Variants in PDE2A observed in about 807,000 individuals in gnomAD.
PDE2A encodes phosphodiesterase 2A.
In PDE2A, 53 loss-of-function variants were observed where a neutral mutation model predicts 133.6. The observed-to-expected ratio is 0.40, with a 90% CI of 0.32 to 0.50. The LOEUF (loss-of-function observed/expected upper bound fraction) is 0.50, where lower values mean the gene tolerates loss of function less well. Among genes scored for constraint, PDE2A ranks in the 20% least tolerant of loss-of-function variants. The probability of loss-of-function intolerance (pLI) is 0.73; values close to 1 mark genes in which losing one functional copy is unlikely to be tolerated. For synonymous variants in PDE2A, 491 were observed against 490.2 expected (o/e 1.00, Z -0.02); for missense variants, 796 against 1,232.4 (o/e 0.65, Z 5.30).
At chr11:72,672,563 T>C (rs1855408866) in intron 1 of PDE2A, among the ~76,000 whole-genome samples, 1 of 152,160 alleles carries the variant, frequency 6.6e-6, no homozygotes. Context: ...CAGGGCTCTC[T>C]GGATAAAGCC....
chr11:72,653,302 A>C (rs74822502), intron 1 of PDE2A, among the ~76,000 whole-genome samples: 3,108 of 152,314 alleles, frequency 0.02, 83 homozygotes, highest in African/African-American at 0.071. Flanking sequence ...AGCAGAGAGA[A>C]GCATATAGAG....
rs1855741303 is a variant in PDE2A at position 72,581,932 on chromosome 11, G to T, written c.1867C>A (p.Leu623Met). 6.2e-7 allele frequency: 1 copy of T among 1,614,010 alleles called. No homozygotes were observed. Among genetic ancestry groups the T allele is most frequent in the Non-Finnish European group, 8.5e-7 (1 of 1,180,004 alleles). The part of the protein sequence containing the change: ...DDTSMAILSM[L>M]QDMNFINNYK... ...TTGTTGATGAAATTCATGTCCTGCA[G>T]CATGCTCAGGATGGCCTGGAGAGGG... The change falls in exon 22 of 31, where the codon CTG becomes ATG. Residue 623 changes from leucine to methionine, a missense_variant. Leu to Met is a conservative substitution (Grantham distance 15, BLOSUM62 2). Transcript: ENST00000334456.
intron 2 of PDE2A, chr11:72,635,917 A>G (rs543799601): frequency 1.8e-6 from 2 of 1,098,122 alleles, no homozygotes; most frequent in South Asian, 3.9e-5. Flanking sequence ...GGCCCTCTCC[A>G]TTCTTTCGGC....
intron 2 of PDE2A, among the ~76,000 whole-genome samples, chr11:72,640,364 T>C (rs2135434320): frequency 6.6e-6 from 1 of 151,908 alleles, no homozygotes; most frequent in East Asian, 1.9e-4. Flanking sequence ...GCTGGCCCAC[T>C]GCCTCCTCCC....
intron 2 of PDE2A, among the ~76,000 whole-genome samples, chr11:72,637,190 A>G (rs1480017020): frequency 6.6e-6 from 1 of 152,202 alleles, no homozygotes; most frequent in Admixed American, 6.5e-5. Flanking sequence ...TCTGGGCTGA[A>G]ATAGGGGTCC....
At chr11:72,670,664 C>T (rs1321966659) in intron 1 of PDE2A, among the ~76,000 whole-genome samples, 5 of 152,166 alleles carry the variant, frequency 3.3e-5, no homozygotes, top group African/African-American at 4.8e-5. Context: ...ATAAAGGCTG[C>T]GCATTTCTCC....
At chr11:72,652,926 T>A (rs1477872638) in intron 1 of PDE2A, among the ~76,000 whole-genome samples, 1 of 152,168 alleles carries the variant, frequency 6.6e-6, no homozygotes, top group African/African-American at 2.4e-5. Context: ...AGTCCCCTCC[T>A]CTCTTGCCTC....
At chr11:72,650,553 G>T (rs1854708886) in intron 1 of PDE2A, among the ~76,000 whole-genome samples, 1 of 151,968 alleles carries the variant, frequency 6.6e-6, no homozygotes, top group African/African-American at 2.4e-5. Flanking sequence ...CGCAGATAAA[G>T]GTCCCAATCC....
intron 2 of PDE2A, among the ~76,000 whole-genome samples, chr11:72,611,235 C>T (rs1050403925): frequency 1.3e-5 from 2 of 152,180 alleles, no homozygotes; most frequent in African/African-American, 4.8e-5. Flanking sequence ...AGCTAAGTCT[C>T]CCCATTTGAC....
intron 2 of PDE2A, among the ~76,000 whole-genome samples, chr11:72,628,492 G>T (rs775969217): frequency 6.6e-6 from 1 of 151,974 alleles, no homozygotes; most frequent in African/African-American, 2.4e-5. Context: ...CACCACAACC[G>T]GCTAATTTTT....
In PDE2A at chr11:72,590,363, G is replaced by A. The variant is rs750156240; in HGVS notation, c.703+64C>T. On this transcript the variant is annotated intron_variant, in intron 8 of 30. Coordinates refer to ENST00000334456, the MANE Select transcript of PDE2A (RefSeq NM_002599.5). This position sits in a 1 kb window ranked among gnomAD's most constrained non-coding sequence, Gnocchi z 4.8. ...GCCGGCTCCCGGGATCGCCTAACCCGCCCACCTCCCCTCCAAGTTCTGCCC... is the reference window on the plus strand; with the variant it reads ...GCCGGCTCCCGGGATCGCCTAACCCACCCACCTCCCCTCCAAGTTCTGCCC... 5.2e-6 allele frequency: 8 copies of A among 1,538,842 alleles called. No individual in the cohort carries two copies. Among genetic ancestry groups the A allele is most frequent in the African/African-American group, 2.7e-5 (2 of 72,742 alleles).
intron 13 of PDE2A, 64 bp downstream of exon 13, chr11:72,588,720 T>C: frequency 2.0e-6 from 3 of 1,509,712 alleles, no homozygotes; most frequent in Non-Finnish European, 2.7e-6. Context: ...ATTGTTACCC[T>C]CGTGGAGCCC....
chr11:72,598,647 G>A, intron 4 of PDE2A: 1 of 1,288,934 alleles, frequency 7.8e-7, no homozygotes, highest in Non-Finnish European at 1.0e-6. Context: ...TGTGCATACA[G>A]GGTCACTAAG....
At chr11:72,604,565 C>T (rs57666328) in intron 4 of PDE2A, among the ~76,000 whole-genome samples, 3,061 of 152,324 alleles carry the variant, frequency 0.02, 116 homozygotes, top group African/African-American at 0.069. Context: ...ATCCTATAAG[C>T]ACCATTATTA....
At chr11:72,642,075 G>A (rs1173639158) in intron 2 of PDE2A, among the ~76,000 whole-genome samples, 179 bp downstream of exon 2, 3 of 152,206 alleles carry the variant, frequency 2.0e-5, no homozygotes, top group Non-Finnish European at 2.9e-5. Context: ...GGGGTGACGT[G>A]TGGACTGAGA....
chr11:72,642,262 T>C lies in PDE2A; in HGVS notation c.136A>G (p.Ser46Gly). 6.5e-7 allele frequency: 1 copy of C among 1,538,266 alleles called. No homozygotes were observed. Among genetic ancestry groups the C allele is most frequent in the Non-Finnish European group, 8.7e-7 (1 of 1,145,324 alleles). The change falls in exon 2 of 31, where the codon AGC becomes GGC. Residue 46 changes from serine (S) to glycine (G), a missense_variant. Ser to Gly is a moderately conservative substitution (Grantham distance 56, BLOSUM62 0). This residue lies in a region of PDE2A where 417 missense variants were observed against 475.3 expected (regional missense o/e 0.88). Coordinates refer to ENST00000334456, the MANE Select transcript of PDE2A (RefSeq NM_002599.5). ...PPPPPQPCAD[S>G]LQDALLSLGS... is the part of the protein sequence containing the mutation. ...CGCGGGGGCCCCCCTACCTGCAGGC[T>C]GTCGGCGCATGGCTGCGGCGGCGGC...
intron 25 of PDE2A, among the ~76,000 whole-genome samples, chr11:72,580,372 C>G (rs1468315150): frequency 6.6e-6 from 1 of 152,166 alleles, no homozygotes; most frequent in Non-Finnish European, 1.5e-5. Context: ...GGGAAACACG[C>G]TGAACACAAA....
chr11:72,588,710 A>G, intron 13 of PDE2A, 74 bp downstream of exon 13: 1 of 1,458,370 alleles, frequency 6.9e-7, no homozygotes, highest in South Asian at 1.3e-5. Flanking sequence ...CCCATCCCAC[A>G]TTGTTACCCT....
intron 6 of PDE2A, among the ~76,000 whole-genome samples, chr11:72,596,128 A>G (rs1856466394): frequency 6.6e-6 from 1 of 152,168 alleles, no homozygotes; most frequent in Non-Finnish European, 1.5e-5. Context: ...TCTATTGGTC[A>G]GGCCCTTATG....
Sources: allele counts gnomAD v4.1 joint callset (sites outside exome capture counted in the v4.1 genomes callset), GRCh38; gene constraint gnomAD v4.1.1; regional missense constraint gnomAD v4.1.1; non-coding constraint Gnocchi (gnomAD v3.1); transcripts MANE v1.5; gene names NCBI Gene and HGNC (gene_info 2026-07-23, HGNC 2026-07-21).